Variants in DAB1 observed in about 807,000 individuals in gnomAD.
DAB1 encodes the protein disabled homolog 1.
Under a neutral mutation model 64.6 loss-of-function variants are expected in DAB1, and 15 were observed. That is an observed-to-expected ratio of 0.23 (90% confidence interval 0.16 to 0.36). DAB1 has a LOEUF of 0.36. Among genes scored for constraint, DAB1 ranks in the 10% least tolerant of loss-of-function variants. The probability of loss-of-function intolerance (pLI) is 1.00; values close to 1 mark genes in which losing one functional copy is unlikely to be tolerated. For missense variants in DAB1, 596 were observed against 706.7 expected (o/e 0.84, Z 1.78); for synonymous variants, 235 against 251.9 (o/e 0.93, Z 0.64).
chr1:57,927,741 T>C (rs1417948819), intron 5 of DAB1, among the ~76,000 whole-genome samples: 1 of 152,164 alleles, frequency 6.6e-6, no homozygotes, highest in Non-Finnish European at 1.5e-5. Context: ...ATGCATACCT[T>C]TCAGGCTTCC....
At chr1:57,528,329 G>A (rs1217137357) in intron 7 of DAB1, among the ~76,000 whole-genome samples, 2 of 152,034 alleles carry the variant, frequency 1.3e-5, no homozygotes, top group Admixed American at 6.6e-5. Flanking sequence ...CTAAAACTCA[G>A]AGACAATAAA....
intron 5 of DAB1, among the ~76,000 whole-genome samples, chr1:58,014,934 T>G (rs1290574240): frequency 6.6e-6 from 1 of 152,128 alleles, no homozygotes; most frequent in African/African-American, 2.4e-5. Context: ...GACAGCAACT[T>G]GAGTTTCTTT....
chr1:57,765,719 C>A (rs1439792374), intron 6 of DAB1, among the ~76,000 whole-genome samples: 1 of 152,212 alleles, frequency 6.6e-6, no homozygotes, highest in Non-Finnish European at 1.5e-5. Flanking sequence ...CTCCATACAG[C>A]ACACTCTTCA....
rs1376913020 is a variant in DAB1, at chr1:58,381,600, C to T, written n.258-38197G>A. On this transcript the variant is annotated intron_variant and non_coding_transcript_variant, in intron 3 of 20. Transcript: ENST00000485760. ...TGAGATATAGAAATGGTGAAATGTA[C>T]TCAGATTCAGGATACAGTTTGAAGA... 3.9e-5 allele frequency among the ~76,000 whole-genome samples: 6 copies of T among 152,162 alleles called. No homozygotes were observed. In the East Asian group the frequency reaches 9.6e-4, roughly 24 times the overall value.
intron 2 of DAB1, among the ~76,000 whole-genome samples, chr1:57,236,292 A>T (rs1159925957): frequency 6.6e-6 from 1 of 152,206 alleles, no homozygotes; most frequent in South Asian, 2.1e-4. Flanking sequence ...AAATGTGACT[A>T]ACCCACAAAC....
At chr1:58,296,706 A>AT (rs1167417374) in intron 4 of DAB1, among the ~76,000 whole-genome samples, 1 of 152,162 alleles carries the variant, frequency 6.6e-6, no homozygotes, top group Admixed American at 6.5e-5. Flanking sequence ...CATATTTATC[A>AT]TAACAGTTGT....
intron 1 of DAB1, among the ~76,000 whole-genome samples, chr1:57,421,864 G>A (rs1413804185): frequency 7.1e-6 from 1 of 140,090 alleles, no homozygotes; most frequent in African/African-American, 2.6e-5. Context: ...TTGTCACCAA[G>A]CCTTGTCAGG....
intron 7 of DAB1, among the ~76,000 whole-genome samples, chr1:57,545,400 G>A (rs1273017630): frequency 1.3e-5 from 2 of 152,124 alleles, no homozygotes; most frequent in Non-Finnish European, 2.9e-5. Flanking sequence ...TGTCTGCATT[G>A]TTCACTGCTA....
intron 2 of DAB1, among the ~76,000 whole-genome samples, chr1:57,233,001 A>T (rs1177567158): frequency 6.6e-6 from 1 of 152,106 alleles, no homozygotes; most frequent in South Asian, 2.1e-4. Context: ...TTTTCATTGC[A>T]TGATATGTTA....
intron 11 of DAB1, among the ~76,000 whole-genome samples, chr1:57,015,641 G>A (rs1246737111): frequency 6.6e-6 from 1 of 152,232 alleles, no homozygotes; most frequent in Non-Finnish European, 1.5e-5. Flanking sequence ...TCCTCTCTGA[G>A]GAGATGATCT....
At chr1:58,314,415 C>A (rs929072332) in intron 4 of DAB1, among the ~76,000 whole-genome samples, 1 of 152,114 alleles carries the variant, frequency 6.6e-6, no homozygotes, top group Non-Finnish European at 1.5e-5. Flanking sequence ...CATCTAATTC[C>A]TGAAACTCTT....
At chr1:57,124,070 G>T (rs965047434) in intron 4 of DAB1, among the ~76,000 whole-genome samples, 2 of 152,154 alleles carry the variant, frequency 1.3e-5, no homozygotes, top group Admixed American at 6.5e-5. Context: ...CTGAGCTTCA[G>T]GTCTACCACC....
intron 7 of DAB1, among the ~76,000 whole-genome samples, chr1:57,641,378 G>GTTTTTTTTTTTTTTTTTTTT (rs1491296848): frequency 9.1e-6 from 1 of 109,804 alleles, no homozygotes; most frequent in African/African-American, 3.3e-5. Context: ...TTTTTTTGTT[G>GTTTTTTTTTTTTTTTTTTTT]GTTTTTTTTT....
At chr1:58,180,944 G>T (rs577325857) in intron 4 of DAB1, among the ~76,000 whole-genome samples, 1 of 152,248 alleles carries the variant, frequency 6.6e-6, no homozygotes, top group East Asian at 1.9e-4. Context: ...TATGCATTCT[G>T]CTGCTGTTGG....
chr1:57,309,922 G>A (rs1212750375), intron 1 of DAB1, among the ~76,000 whole-genome samples: 1 of 152,114 alleles, frequency 6.6e-6, no homozygotes, highest in Non-Finnish European at 1.5e-5. Flanking sequence ...CAATCACATG[G>A]GGGGATGCAG....
chr1:57,913,625 A>C (rs2102012144), intron 5 of DAB1, among the ~76,000 whole-genome samples: 1 of 152,382 alleles, frequency 6.6e-6, no homozygotes, highest in South Asian at 2.1e-4. Context: ...GCTTCTGCAC[A>C]GCAAAAGAAA....
At chr1:58,010,893 G>A (rs1392126044) in intron 5 of DAB1, among the ~76,000 whole-genome samples, 2 of 152,216 alleles carry the variant, frequency 1.3e-5, no homozygotes, top group Non-Finnish European at 2.9e-5. Flanking sequence ...CCAACTGATT[G>A]ATGCTGACAT....
intron 6 of DAB1, among the ~76,000 whole-genome samples, chr1:57,746,142 T>A (rs1019499382): frequency 6.6e-6 from 1 of 152,186 alleles, no homozygotes. Context: ...TGCAATAAAT[T>A]TTCTGGTCCA....
intron 6 of DAB1, among the ~76,000 whole-genome samples, chr1:57,776,478 C>T (rs1569646086): frequency 1.3e-5 from 2 of 151,140 alleles, no homozygotes; most frequent in African/African-American, 4.8e-5. Context: ...AATCTACTGT[C>T]ATGCTATTTG....
Sources: allele counts gnomAD v4.1 joint callset (sites outside exome capture counted in the v4.1 genomes callset), GRCh38; gene constraint gnomAD v4.1.1; transcripts MANE v1.5; gene names NCBI Gene and HGNC (gene_info 2026-07-23, HGNC 2026-07-21).